Variants in RIMBP2 observed in about 807,000 individuals in gnomAD.
RIMBP2 encodes RIMS-binding protein 2.
A neutral mutation model predicts 118.6 loss-of-function variants in RIMBP2; 48 were observed. The observed-to-expected ratio is 0.40, with a 90% CI of 0.32 to 0.51. The LOEUF is 0.51. RIMBP2 is among the 20% of genes least tolerant of loss of function. The probability of loss-of-function intolerance (pLI) is 0.41; values close to 1 mark genes in which losing one functional copy is unlikely to be tolerated. For synonymous variants in RIMBP2, 762 were observed against 742.9 expected, an observed-to-expected ratio of 1.03 and a Z score of -0.42; for missense variants, 1,551 against 1,768.3, an observed-to-expected ratio of 0.88 and a Z score of 2.20.
chr12:130,665,333 C>T (rs775879346), intron 1 of RIMBP2, among the ~76,000 whole-genome samples: 35 of 151,374 alleles, frequency 2.3e-4, no homozygotes, highest in Admixed American at 3.3e-4. Context: ...AAGACCAGCC[C>T]GGGCAACATG....
chr12:130,521,906 A>C (rs1234337521), intron 2 of RIMBP2, among the ~76,000 whole-genome samples: 1 of 152,254 alleles, frequency 6.6e-6, no homozygotes, highest in Non-Finnish European at 1.5e-5. Context: ...AAAGCCACAC[A>C]AAAGAGGGTT....
At chr12:130,572,633 C>T (rs2057770457) in intron 2 of RIMBP2, among the ~76,000 whole-genome samples, 1 of 151,950 alleles carries the variant, frequency 6.6e-6, no homozygotes, top group Non-Finnish European at 1.5e-5. Context: ...TTATAGAAAG[C>T]ACTGCTACAA....
intron 3 of RIMBP2, among the ~76,000 whole-genome samples, chr12:130,512,611 C>A (rs2051035077): frequency 6.6e-6 from 1 of 152,214 alleles, no homozygotes; most frequent in African/African-American, 2.4e-5. Context: ...GCGTGAGCCA[C>A]CGCACCCGGC....
intron 1 of RIMBP2, among the ~76,000 whole-genome samples, chr12:130,712,914 G>A (rs912488097): frequency 1.3e-5 from 2 of 152,030 alleles, no homozygotes; most frequent in African/African-American, 4.8e-5. Context: ...GGTCTTCACT[G>A]ATGGAAATGT....
chr12:130,516,201 C>G (rs761133188), intron 3 of RIMBP2, among the ~76,000 whole-genome samples: 24 of 152,190 alleles, frequency 1.6e-4, no homozygotes, highest in Non-Finnish European at 3.4e-4. Flanking sequence ...AATGGCCAGA[C>G]AGGAAGGCAA....
chr12:130,433,575 G>A (rs892047456), intron 14 of RIMBP2, among the ~76,000 whole-genome samples: 2 of 152,158 alleles, frequency 1.3e-5, no homozygotes, highest in Non-Finnish European at 2.9e-5. Context: ...GCTTTCGGAT[G>A]ACACATCACT....
intron 2 of RIMBP2, among the ~76,000 whole-genome samples, chr12:130,573,036 G>C (rs1439783133): frequency 6.6e-6 from 1 of 152,174 alleles, no homozygotes. Context: ...CAGCCAAGCA[G>C]ATCCAGTTCA....
At chr12:130,585,334 A>G (rs2140252953) in intron 2 of RIMBP2, among the ~76,000 whole-genome samples, 1 of 152,208 alleles carries the variant, frequency 6.6e-6, no homozygotes. Flanking sequence ...ACGTTTGGGG[A>G]GTGAAAAGGG....
chr12:130,559,295 A>G (rs938760791), intron 2 of RIMBP2, among the ~76,000 whole-genome samples: 23 of 152,178 alleles, frequency 1.5e-4, no homozygotes, highest in African/African-American at 5.3e-4. Flanking sequence ...GTATCCTTCC[A>G]ACAACAGCTC....
chr12:130,503,394 T>TA (rs113022943), intron 4 of RIMBP2, among the ~76,000 whole-genome samples: 5,685 of 137,244 alleles, frequency 0.041, 197 homozygotes, highest in African/African-American at 0.1. Context: ...AGACTCCATC[T>TA]AAAAAGAAAA....
chr12:130,535,720 T>C (rs1168007645), intron 2 of RIMBP2, among the ~76,000 whole-genome samples: 1 of 70,034 alleles, frequency 1.4e-5, no homozygotes, highest in Non-Finnish European at 3.0e-5. Context: ...TACATATACA[T>C]ATATATACAT....
In RIMBP2 at chr12:130,419,988, A is replaced by C. The variant is rs756871310; in HGVS notation, c.3238+2465T>G. Among the ~76,000 whole-genome samples, 3 of 152,240 alleles carry C rather than the reference A, an allele frequency of 2.0e-5. No individual in the cohort carries two copies. The highest frequency in any genetic ancestry group is 4.4e-5 in the Non-Finnish European group (3 of 68,046). On this transcript the variant is annotated intron_variant, in intron 17 of 22. Coordinates refer to ENST00000690449, the MANE Select transcript of RIMBP2 (RefSeq NM_001393629.1). The surrounding 1 kb of genome is among the most constrained non-coding windows in gnomAD (Gnocchi z 4.3). The stretch of plus-strand genomic sequence containing the variant: ...TTTCATTGTAGGTCCACTGCTTATT[A>C]AAAATAGGAAGTGTATGGTTTACAG...
chr12:130,571,387 C>T (rs1397182052), intron 2 of RIMBP2, among the ~76,000 whole-genome samples: 1 of 151,252 alleles, frequency 6.6e-6, no homozygotes, highest in Admixed American at 6.6e-5. Flanking sequence ...GACTCAGCTG[C>T]CGTGTGTGCT....
At chr12:130,416,873 A>C (rs1037920371) in intron 17 of RIMBP2, among the ~76,000 whole-genome samples, 1 of 152,194 alleles carries the variant, frequency 6.6e-6, no homozygotes, top group Non-Finnish European at 1.5e-5. Context: ...ACAAGCAAAA[A>C]ATGACTCCAT....
At chr12:130,560,309 G>T (rs1438800665) in intron 2 of RIMBP2, among the ~76,000 whole-genome samples, 1 of 151,926 alleles carries the variant, frequency 6.6e-6, no homozygotes, top group Non-Finnish European at 1.5e-5. Context: ...AATTTGGGGG[G>T]AGGGCAGAGT....
chr12:130,552,132 A>G (rs1479698897), intron 2 of RIMBP2, among the ~76,000 whole-genome samples: 1 of 152,244 alleles, frequency 6.6e-6, no homozygotes, highest in Non-Finnish European at 1.5e-5. Flanking sequence ...CAGACATAAA[A>G]TCAATAAGAG....
intron 2 of RIMBP2, among the ~76,000 whole-genome samples, chr12:130,552,791 C>A (rs749647084): frequency 1.8e-4 from 28 of 152,164 alleles, no homozygotes; most frequent in Non-Finnish European, 3.5e-4. Context: ...GCCTTGTGCA[C>A]TGTCCAAGGT....
Position 130,431,522 on chromosome 12 carries a change from TA to T in RIMBP2, c.2254-3186del. On this transcript the variant is annotated intron_variant, in intron 14 of 22. Coordinates refer to ENST00000690449, the MANE Select transcript of RIMBP2 (RefSeq NM_001393629.1). The surrounding 1 kb of genome is among the most constrained non-coding windows in gnomAD (Gnocchi z 4.0). Reference sequence around the variant, plus strand: ...ACTTTTAAAGAAAATATCTCAACTGTAAATGGAAAATAAGTATCACTTATTT... The same window carrying T: ...ACTTTTAAAGAAAATATCTCAACTGTAATGGAAAATAAGTATCACTTATTT... 1 of 302,796 alleles carries T rather than the reference TA, an allele frequency of 3.3e-6. No individual in the cohort carries two copies. The allele number at this position is 302,796 out of a possible 1,614,324, so 18.8% of individuals were successfully genotyped here. A position where few individuals can be genotyped will look rare whatever the true frequency, so the allele number is the denominator to read the frequency against.
chr12:130,672,269 G>A (rs2064234666), intron 1 of RIMBP2, among the ~76,000 whole-genome samples: 1 of 152,220 alleles, frequency 6.6e-6, no homozygotes, highest in African/African-American at 2.4e-5. Context: ...TCTTGGCCAG[G>A]TCTGCATCTC....
Sources: gnomAD v4.1 joint callset for allele counts (sites outside exome capture counted in the v4.1 genomes callset) on GRCh38, gnomAD v4.1.1 for gene constraint, Gnocchi (gnomAD v3.1) non-coding constraint, MANE v1.5 for transcripts, NCBI Gene and HGNC (gene_info 2026-07-23, HGNC 2026-07-21) for gene names.